ZFAND6: variants seen among roughly 807,000 people sequenced by gnomAD.
ZFAND6 encodes the protein AN1-type zinc finger protein 6.
In ZFAND6, 12 loss-of-function variants were observed where a neutral mutation model predicts 24.5. The observed-to-expected ratio is 0.49, with a 90% CI of 0.31 to 0.79. ZFAND6 has a LOEUF of 0.79. Among genes scored for constraint, ZFAND6 ranks in the 30% least tolerant of loss-of-function variants. The pLI is 0.04. For missense variants in ZFAND6, 207 were observed against 245.9 expected (o/e 0.84, Z 1.06); for synonymous variants, 92 against 81.5 (o/e 1.13, Z -0.69).
At chr15:80,116,044 TC>T (rs1172303978) in intron 2 of ZFAND6, among the ~76,000 whole-genome samples, 1 of 152,012 alleles carries the variant, frequency 6.6e-6, no homozygotes, top group African/African-American at 2.4e-5. Context: ...AGACCCGAGT[TC>T]CTCAGTCTTT....
intron 1 of ZFAND6, among the ~76,000 whole-genome samples, chr15:80,091,160 G>GGTGTGTGTGT (rs61706731): frequency 0.082 from 12,356 of 150,170 alleles, 581 homozygotes; most frequent in Non-Finnish European, 0.11. Flanking sequence ...GTTGTTAAGG[G>GGTGTGTGTGT]GTGTGTGTGT....
chr15:80,102,028 C>T (rs1024836368), intron 2 of ZFAND6, among the ~76,000 whole-genome samples: 5 of 151,876 alleles, frequency 3.3e-5, no homozygotes, highest in Non-Finnish European at 7.4e-5. Context: ...GATCTCCTGA[C>T]CTCGTGATCC....
intron 1 of ZFAND6, among the ~76,000 whole-genome samples, chr15:80,090,211 T>C (rs1361404749): frequency 6.6e-6 from 1 of 152,218 alleles, no homozygotes; most frequent in Non-Finnish European, 1.5e-5. Flanking sequence ...TTTTTTTCTG[T>C]ATCCTCAGTA....
intron 5 of ZFAND6, chr15:80,129,689 A>G (rs1014327717): frequency 2.6e-5 from 4 of 152,354 alleles, no homozygotes; most frequent in Non-Finnish European, 4.4e-5. Flanking sequence ...AAAGAATTCA[A>G]AGTTAAACCA....
intron 4 of ZFAND6, among the ~76,000 whole-genome samples, chr15:80,122,298 T>G (rs1276987483): frequency 6.6e-6 from 1 of 152,186 alleles, no homozygotes; most frequent in Non-Finnish European, 1.5e-5. Context: ...TTTATTCTGC[T>G]TTTAGGAACC....
chr15:80,064,396 A>G lies in ZFAND6; in HGVS notation c.-181+4587A>G, dbSNP rs528516307. Reference sequence around the variant, plus strand: ...ACCCTCCATCTTTCCTTCCCTTTCTATAGGAATCATCATATATTTCTTTAA... The same window carrying G: ...ACCCTCCATCTTTCCTTCCCTTTCTGTAGGAATCATCATATATTTCTTTAA... On this transcript the variant is annotated intron_variant, in intron 1 of 6. Coordinates refer to ENST00000261749, the MANE Select transcript of ZFAND6 (RefSeq NM_019006.4). Among the ~76,000 whole-genome samples the G allele has an allele frequency of 1.2e-4, 19 of 152,174 alleles. No homozygotes were observed. In the South Asian group the frequency reaches 2.5e-3, roughly 20 times the overall value.
chr15:80,120,306 G>C, intron 2 of ZFAND6, 22 bp from the exon 3 acceptor site: 3 of 1,481,962 alleles, frequency 2.0e-6, no homozygotes, highest in Admixed American at 4.4e-5. Flanking sequence ...TGAGTTCTTT[G>C]CTAATTTTAT....
chr15:80,093,017 C>T (rs989598147), intron 1 of ZFAND6, among the ~76,000 whole-genome samples: 5 of 151,282 alleles, frequency 3.3e-5, no homozygotes, highest in South Asian at 4.2e-4. Flanking sequence ...TGCAGTGGCA[C>T]GATCTCAGCT....
chr15:80,117,686 C>A (rs561745571), intron 2 of ZFAND6, among the ~76,000 whole-genome samples: 1 of 152,252 alleles, frequency 6.6e-6, no homozygotes, highest in African/African-American at 2.4e-5. Context: ...ATGCATGCTT[C>A]CCGGTTTGTC....
intron 3 of ZFAND6, 153 bp downstream of exon 3, chr15:80,120,651 G>T (rs2040105664): frequency 1.9e-6 from 1 of 527,860 alleles, no homozygotes; most frequent in Non-Finnish European, 2.9e-6. Context: ...ATTATAATCA[G>T]TAGTGAGGAG....
upstream of ZFAND6, chr15:80,059,653 C>G (rs1262435507): frequency 6.6e-6 from 1 of 152,278 alleles, no homozygotes; most frequent in Non-Finnish European, 1.5e-5. Flanking sequence ...CGTCATAGGC[C>G]GAACAACCAA....
intron 1 of ZFAND6, among the ~76,000 whole-genome samples, chr15:80,086,184 A>C (rs559167813): frequency 6.6e-6 from 1 of 152,110 alleles, no homozygotes; most frequent in South Asian, 2.1e-4. Context: ...GATTACAGGC[A>C]TGCACCACCA....
intron 1 of ZFAND6, among the ~76,000 whole-genome samples, chr15:80,068,866 G>GT (rs746224289): frequency 5.9e-5 from 9 of 152,224 alleles, no homozygotes; most frequent in Admixed American, 5.9e-4. Context: ...TTGTACAGTG[G>GT]TAGGGACTAT....
intron 2 of ZFAND6, among the ~76,000 whole-genome samples, chr15:80,099,279 CT>C (rs1376704423): frequency 1.3e-5 from 2 of 152,008 alleles, no homozygotes; most frequent in East Asian, 4.0e-4. Flanking sequence ...CTCCCCCCGA[CT>C]TTTTCTTTAT....
intron 3 of ZFAND6, 102 bp from the exon 4 acceptor site, chr15:80,121,608 CCT>C (rs1296591159): frequency 1.1e-6 from 1 of 870,516 alleles, no homozygotes; most frequent in Admixed American, 3.0e-5. Flanking sequence ...TAAAAGAAAA[CCT>C]CTATACTGTG....
At chr15:80,100,605 A>G (rs902017205) in intron 2 of ZFAND6, among the ~76,000 whole-genome samples, 3 of 152,218 alleles carry the variant, frequency 2.0e-5, no homozygotes, top group African/African-American at 7.2e-5. Context: ...AACATATATA[A>G]AACTCATCTA....
intron 1 of ZFAND6, among the ~76,000 whole-genome samples, chr15:80,096,115 C>T (rs1236449638): frequency 6.6e-6 from 1 of 152,176 alleles, no homozygotes; most frequent in Admixed American, 6.5e-5. Flanking sequence ...TGATCTTGAA[C>T]CAGTTCCTAA....
chr15:80,119,313 A>C (rs989251551), intron 2 of ZFAND6, among the ~76,000 whole-genome samples: 3 of 152,320 alleles, frequency 2.0e-5, no homozygotes, highest in African/African-American at 7.2e-5. Context: ...AAAAATTTCC[A>C]CCAATTATGC....
intron 2 of ZFAND6, among the ~76,000 whole-genome samples, chr15:80,104,686 G>A (rs1181207088): frequency 6.6e-6 from 1 of 152,132 alleles, no homozygotes; most frequent in South Asian, 2.1e-4. Context: ...TACTTTTCTT[G>A]AGTCGCTGAT....
Sources: gnomAD v4.1 joint callset for allele counts (sites outside exome capture counted in the v4.1 genomes callset) on GRCh38, gnomAD v4.1.1 for gene constraint, MANE v1.5 for transcripts, NCBI Gene and HGNC (gene_info 2026-07-23, HGNC 2026-07-21) for gene names.